Variants in SGCZ observed in about 807,000 individuals in gnomAD.
SGCZ encodes the protein zeta-sarcoglycan.
SGCZ carries 40 observed loss-of-function variants against 41.3 expected under a neutral mutation model. The observed-to-expected ratio is 0.97, with a 90% confidence interval of 0.75 to 1.26. SGCZ has a LOEUF of 1.26. SGCZ is among the 50% of genes most tolerant of loss of function. The pLI, the probability that SGCZ is intolerant of heterozygous loss-of-function variation, is 0.00. For synonymous variants in SGCZ, 206 were observed against 137.5 expected, an observed-to-expected ratio of 1.50 and a Z score of -3.49; for missense variants, 552 against 369.8, an observed-to-expected ratio of 1.49 and a Z score of -4.04.
intron 1 of SGCZ, among the ~76,000 whole-genome samples, chr8:14,619,047 T>C (rs888847324): frequency 1.3e-5 from 2 of 152,148 alleles, no homozygotes; most frequent in Non-Finnish European, 2.9e-5. Flanking sequence ...GTATACTCTA[T>C]ATATTAGTCC....
chr8:14,874,638 C>T (rs952290033), intron 1 of SGCZ, among the ~76,000 whole-genome samples: 2 of 152,084 alleles, frequency 1.3e-5, no homozygotes, highest in African/African-American at 4.8e-5. Context: ...TTCTTAAATT[C>T]AGTGACAGCA....
chr8:15,076,110 A>C (rs1221818822), intron 1 of SGCZ, among the ~76,000 whole-genome samples: 3 of 152,178 alleles, frequency 2.0e-5, no homozygotes, highest in African/African-American at 7.2e-5. Context: ...CCTCACATCT[A>C]TGAAGATGAA....
chr8:15,091,831 C>A (rs545503081), intron 1 of SGCZ, among the ~76,000 whole-genome samples: 1 of 152,268 alleles, frequency 6.6e-6, no homozygotes, highest in South Asian at 2.1e-4. Flanking sequence ...CGGCTCACTG[C>A]AGGTTCCACA....
chr8:14,496,737 G>C (rs1801999098), intron 2 of SGCZ, among the ~76,000 whole-genome samples: 1 of 151,958 alleles, frequency 6.6e-6, no homozygotes, highest in African/African-American at 2.4e-5. Flanking sequence ...CCTAGCCATA[G>C]ACAGGCACTC....
intron 1 of SGCZ, among the ~76,000 whole-genome samples, chr8:15,035,288 A>G (rs1803833665): frequency 6.6e-6 from 1 of 152,178 alleles, no homozygotes; most frequent in African/African-American, 2.4e-5. Context: ...AGCCTGTTGT[A>G]ACTATAAAAT....
At chr8:14,983,168 T>C (rs1801723414) in intron 1 of SGCZ, among the ~76,000 whole-genome samples, 1 of 145,902 alleles carries the variant, frequency 6.9e-6, no homozygotes, top group Admixed American at 7.2e-5. Flanking sequence ...TTCGGTGCTG[T>C]CACTCCTTTT....
chr8:14,632,442 T>C (rs1233498893), intron 1 of SGCZ, among the ~76,000 whole-genome samples: 2 of 152,128 alleles, frequency 1.3e-5, no homozygotes, highest in African/African-American at 4.8e-5. Context: ...TATGAGGGGT[T>C]TATCATTTAT....
At chr8:14,979,278 CTG>C (rs1439209334) in intron 1 of SGCZ, among the ~76,000 whole-genome samples, 1 of 152,138 alleles carries the variant, frequency 6.6e-6, no homozygotes, top group Non-Finnish European at 1.5e-5. Context: ...ACATGTATGA[CTG>C]TAATACTCAC....
At chr8:14,868,794 G>T (rs1376030730) in intron 1 of SGCZ, among the ~76,000 whole-genome samples, 1 of 152,102 alleles carries the variant, frequency 6.6e-6, no homozygotes, top group African/African-American at 2.4e-5. Context: ...ACTACCATCA[G>T]AGAGTACTGC....
intron 1 of SGCZ, among the ~76,000 whole-genome samples, chr8:14,715,134 G>A (rs1023448048): frequency 1.3e-5 from 2 of 152,078 alleles, no homozygotes; most frequent in African/African-American, 4.8e-5. Flanking sequence ...ATGGAAATCT[G>A]GAAAATAAGT....
intron 1 of SGCZ, among the ~76,000 whole-genome samples, chr8:15,082,285 A>T (rs917939421): frequency 6.6e-6 from 1 of 152,128 alleles, no homozygotes; most frequent in African/African-American, 2.4e-5. Context: ...TATATATTTG[A>T]TAGAGACAAA....
intron 3 of SGCZ, among the ~76,000 whole-genome samples, chr8:14,316,812 GACACACACACACACAC>G (rs55956388): frequency 4.2e-5 from 6 of 142,498 alleles, no homozygotes; most frequent in East Asian, 2.1e-4. Flanking sequence ...ATTTATTATA[GACACACACACACACAC>G]ACACACACAC....
At chr8:14,520,906 G>C (rs17119616) in intron 2 of SGCZ, among the ~76,000 whole-genome samples, 1 of 152,070 alleles carries the variant, frequency 6.6e-6, no homozygotes, top group African/African-American at 2.4e-5. Context: ...AAGCATGTTT[G>C]CATTTGCTAT....
intron 2 of SGCZ, among the ~76,000 whole-genome samples, chr8:14,499,026 A>C (rs1294158637): frequency 6.6e-6 from 1 of 151,958 alleles, no homozygotes; most frequent in African/African-American, 2.4e-5. Flanking sequence ...ATTTCCACCT[A>C]CTATGGTTCC....
intron 5 of SGCZ, among the ~76,000 whole-genome samples, chr8:14,125,840 C>A (rs1563141143): frequency 1.3e-5 from 2 of 152,126 alleles, no homozygotes; most frequent in Admixed American, 1.3e-4. Context: ...TCCATCTGAT[C>A]TTTGACAAAC....
chr8:14,186,482 G>A (rs553280706), intron 4 of SGCZ, among the ~76,000 whole-genome samples: 4 of 152,242 alleles, frequency 2.6e-5, no homozygotes, highest in South Asian at 2.1e-4. Context: ...CCATGGCCCT[G>A]GCCCTGGTTC....
chr8:14,853,443 T>G (rs1167593414), intron 1 of SGCZ: 1 of 532,428 alleles, frequency 1.9e-6, no homozygotes, highest in East Asian at 5.5e-5. Flanking sequence ...ACTTGCTCTT[T>G]CTGACCAGGC....
intron 1 of SGCZ, among the ~76,000 whole-genome samples, chr8:14,957,184 T>G (rs1326410187): frequency 6.6e-6 from 1 of 152,204 alleles, no homozygotes; most frequent in Non-Finnish European, 1.5e-5. Context: ...TTCTCTCTTA[T>G]GCAAATAGCC....
intron 2 of SGCZ, among the ~76,000 whole-genome samples, chr8:14,340,518 T>C (rs1802665686): frequency 6.6e-6 from 1 of 152,180 alleles, no homozygotes; most frequent in African/African-American, 2.4e-5. Context: ...AGGGAAGAGA[T>C]AATGTCTTCC....
Sources: allele counts gnomAD v4.1 joint callset (sites outside exome capture counted in the v4.1 genomes callset), GRCh38; gene constraint gnomAD v4.1.1; transcripts MANE v1.5; gene names NCBI Gene and HGNC (gene_info 2026-07-23, HGNC 2026-07-21).